Variants in MANBA observed in about 807,000 individuals in gnomAD.
MANBA encodes the protein mannosidase beta.
A neutral mutation model predicts 111.1 loss-of-function variants in MANBA; 83 were observed. The observed-to-expected ratio is 0.75, with a 90% CI of 0.63 to 0.90. MANBA has a LOEUF of 0.90. Ranked by LOEUF, MANBA falls within the 40% of genes least tolerant of loss-of-function variation. The pLI is 0.00. For missense variants in MANBA, 1,036 were observed against 1,069.0 expected (o/e 0.97, Z 0.43); for synonymous variants, 370 against 378.7 (o/e 0.98, Z 0.27).
In MANBA at chr4:102,678,026, G is replaced by A. The variant is rs182450841; in HGVS notation, c.961-3956C>T. ...CAATAACTTTTGTAAGTATAATGCA[G>A]TGCTGAGTCCAGAAAAATTTGAGAA... On this transcript the variant is annotated intron_variant, in intron 7 of 16. Transcript: ENST00000647097. Among the ~76,000 whole-genome samples the A allele has an allele frequency of 5.2e-3, 795 of 152,250 alleles. 5 individuals carry two copies. Among genetic ancestry groups the A allele is most frequent in the South Asian group, 0.028 (133 of 4,814 alleles).
chr4:102,703,880 G>T (rs1312351620), intron 5 of MANBA, among the ~76,000 whole-genome samples: 1 of 152,102 alleles, frequency 6.6e-6, no homozygotes, highest in East Asian at 1.9e-4. Flanking sequence ...TGGATCACAA[G>T]GTCAGGAGAT....
At chr4:102,722,850 A>G (rs1479462563) in intron 4 of MANBA, 21 bp downstream of exon 4, 3 of 1,612,062 alleles carry the variant, frequency 1.9e-6, no homozygotes, top group East Asian at 4.5e-5. Flanking sequence ...ATAAAACCCG[A>G]CCTGTTTGAG....
chr4:102,728,375 A>T (rs1229965282), intron 1 of MANBA: 1 of 522,126 alleles, frequency 1.9e-6, no homozygotes. Context: ...TACACTTTGA[A>T]TCTTAGCCAG....
chr4:102,664,452 C>A (rs1731115649), intron 11 of MANBA, among the ~76,000 whole-genome samples: 1 of 152,106 alleles, frequency 6.6e-6, no homozygotes, highest in South Asian at 2.1e-4. Flanking sequence ...GGGTTCACGC[C>A]ATGCTCCTGC....
At chr4:102,702,774 G>A (rs868624639) in intron 5 of MANBA, among the ~76,000 whole-genome samples, 14 of 152,080 alleles carry the variant, frequency 9.2e-5, no homozygotes, top group Middle Eastern at 6.8e-3. Context: ...ACAAGTTAGG[G>A]AACTATGGTT....
In MANBA at chr4:102,760,727, G is replaced by A. The variant is rs373360398; in HGVS notation, c.168C>T (p.Gly56=). 4.4e-5 allele frequency: 68 copies of A among 1,541,014 alleles called. No individual in the cohort carries two copies. Among genetic ancestry groups the A allele is most frequent in the Non-Finnish European group, 5.9e-5 (67 of 1,141,588 alleles). ...GCVHSALFQQ[G]LIQDSYYRFN... ...CGGCCGCACGCCATACCTGGATCAG[G>A]CCCTGCTGGAACAAGGCGCTGTGCA... The change falls in exon 1 of 17, where the codon GGC becomes GGT. Residue 56 remains glycine (G), a synonymous_variant. Coordinates refer to ENST00000647097, the MANE Select transcript of MANBA (RefSeq NM_005908.4).
intron 1 of MANBA, among the ~76,000 whole-genome samples, chr4:102,756,521 T>A (rs1218484405): frequency 6.6e-6 from 1 of 151,744 alleles, no homozygotes; most frequent in Non-Finnish European, 1.5e-5. Context: ...ATACCTAATG[T>A]AAATGAGGTT....
chr4:102,667,167 G>A (rs868415026), intron 10 of MANBA: 2 of 152,118 alleles, frequency 1.3e-5, no homozygotes, highest in African/African-American at 2.4e-5. Context: ...CAGGATCAGG[G>A]TTCTGAGCAG....
At chr4:102,672,877 T>C (rs1369300288) in intron 8 of MANBA, among the ~76,000 whole-genome samples, 1 of 152,172 alleles carries the variant, frequency 6.6e-6, no homozygotes, top group African/African-American at 2.4e-5. Flanking sequence ...AGAAAAACTG[T>C]CTTCCATGAA....
chr4:102,728,669 C>T (rs1722905009), intron 1 of MANBA: 1 of 566,774 alleles, frequency 1.8e-6, no homozygotes, highest in Admixed American at 2.6e-5. Context: ...TCAGGTGGGT[C>T]TCACGTTCCC....
Position 102,760,743 on chromosome 4 carries a change from G to C in MANBA, c.152C>G (p.Ala51Gly). The change falls in exon 1 of 17, where the codon GCC becomes GGC. Residue 51 changes from alanine to glycine, a missense_variant. By Grantham distance (60) the Ala-to-Gly change is moderately conservative. Coordinates refer to ENST00000647097, the MANE Select transcript of MANBA (RefSeq NM_005908.4). ...CTGGATCAGGCCCTGCTGGAACAAG[G>C]CGCTGTGCACGCAGCCAGGGACCGC... ...PGAVPGCVHS[A>G]LFQQGLIQDS... The C allele has an allele frequency of 6.5e-7, 1 of 1,546,660 alleles. No homozygotes were observed. The highest frequency in any genetic ancestry group is 8.7e-7 in the Non-Finnish European group (1 of 1,145,204).
In MANBA at chr4:102,632,235, G is replaced by A; in HGVS notation, c.2462C>T (p.Thr821Ile). 6.2e-7 allele frequency: 1 copy of A among 1,613,824 alleles called. No individual in the cohort carries two copies. The highest frequency in any genetic ancestry group is 8.5e-7 in the Non-Finnish European group (1 of 1,179,802). ...CCAAACAAAGGGAGCGACAGCTGAG[G>A]TCTCCAGGTCAAAAACAAATATGTC... is the stretch of plus-strand genomic sequence containing the variant. ...QGDIFVFDLETSAVAPFVWLD... is the reference protein window; with the variant it reads ...QGDIFVFDLEISAVAPFVWLD... The change falls in exon 17 of 17, where the codon ACC becomes ATC. Residue 821 changes from threonine to isoleucine, a missense_variant. Transcript: ENST00000647097.
intron 6 of MANBA, 84 bp from the exon 7 acceptor site, chr4:102,689,768 G>T: frequency 1.2e-6 from 1 of 810,326 alleles, no homozygotes; most frequent in Non-Finnish European, 2.2e-6. Context: ...TTCTCAAATA[G>T]TCAAGTACAA....
intron 5 of MANBA, among the ~76,000 whole-genome samples, chr4:102,707,750 T>C (rs1733364776): frequency 6.6e-6 from 1 of 152,112 alleles, no homozygotes; most frequent in South Asian, 2.1e-4. Flanking sequence ...CCAAACTATA[T>C]GCTGCCTACA....
At chr4:102,636,589 C>A (rs1044045630) in intron 14 of MANBA, among the ~76,000 whole-genome samples, 2 of 152,124 alleles carry the variant, frequency 1.3e-5, no homozygotes, top group African/African-American at 2.4e-5. Context: ...ACAAATACCT[C>A]CCCTACTGCA....
intron 2 of MANBA, among the ~76,000 whole-genome samples, chr4:102,724,513 C>T (rs186114503): frequency 6.7e-6 from 1 of 149,474 alleles, no homozygotes; most frequent in Non-Finnish European, 1.5e-5. Flanking sequence ...GAGTGGATAT[C>T]CCACCACTGC....
At chr4:102,727,109 T>G (rs1267187950) in intron 1 of MANBA, among the ~76,000 whole-genome samples, 2 of 152,180 alleles carry the variant, frequency 1.3e-5, no homozygotes, top group East Asian at 3.8e-4. Context: ...CCTGTTTCAC[T>G]CTCTAAATGA....
chr4:102,653,044 A>G (rs1280388064), intron 12 of MANBA, among the ~76,000 whole-genome samples: 1 of 152,194 alleles, frequency 6.6e-6, no homozygotes, highest in Admixed American at 6.5e-5. Flanking sequence ...TAAACCCAGA[A>G]GGATCTGAAG....
Position 102,639,737 on chromosome 4 carries a change from G to C in MANBA, c.1990C>G (p.Gln664Glu). 6.2e-7 allele frequency: 1 copy of C among 1,614,128 alleles called. No homozygotes were observed. The highest frequency in any genetic ancestry group is 1.7e-5 in the Admixed American group (1 of 60,006). ...ALYWQLNDIW[Q>E]APSWASLEYG... ...CCAAGAGAAGCCCAGGAAGGAGCTTGCCAGATGTCATTCAACTGCCAATAA... is the reference window on the plus strand; with the variant it reads ...CCAAGAGAAGCCCAGGAAGGAGCTTCCCAGATGTCATTCAACTGCCAATAA... Residue 664 changes from glutamine to glutamate, a missense_variant, in exon 14 of 17, where the codon CAA becomes GAA. Transcript: ENST00000647097.
Sources: gnomAD v4.1 joint callset for allele counts (sites outside exome capture counted in the v4.1 genomes callset) on GRCh38, gnomAD v4.1.1 for gene constraint, MANE v1.5 for transcripts, NCBI Gene and HGNC (gene_info 2026-07-23, HGNC 2026-07-21) for gene names.